SBNO1: variants seen among roughly 807,000 people sequenced by gnomAD.
SBNO1 encodes the protein protein strawberry notch homolog 1.
SBNO1 carries 23 observed loss-of-function variants against 173.6 expected under a neutral mutation model. That is an observed-to-expected ratio of 0.13 (90% CI 0.10 to 0.19). The LOEUF (loss-of-function observed/expected upper bound fraction) is 0.19. Ranked by LOEUF, SBNO1 falls within the 10% of genes least tolerant of loss-of-function variation. The probability of loss-of-function intolerance (pLI) is 1.00; values close to 1 mark genes in which losing one functional copy is unlikely to be tolerated. For missense variants in SBNO1, 1,238 were observed against 1,671.2 expected, an observed-to-expected ratio of 0.74 and a Z score of 4.52; for synonymous variants, 632 against 571.5, an observed-to-expected ratio of 1.11 and a Z score of -1.51.
chr12:123,352,569 G>A (rs1874002365), intron 1 of SBNO1, among the ~76,000 whole-genome samples: 1 of 152,196 alleles, frequency 6.6e-6, no homozygotes, highest in Non-Finnish European at 1.5e-5. Flanking sequence ...TGGGATTACA[G>A]GCCGTGAGCC....
At chr12:123,302,369 A>G (rs987469739) in intron 30 of SBNO1, among the ~76,000 whole-genome samples, 2 of 151,812 alleles carry the variant, frequency 1.3e-5, no homozygotes, top group African/African-American at 2.4e-5. Context: ...CAGCCTCCCA[A>G]GTAGCTGGGA....
intron 5 of SBNO1, among the ~76,000 whole-genome samples, chr12:123,340,581 CAAAAAAA>C (rs752794679): frequency 4.3e-5 from 2 of 46,818 alleles, no homozygotes; most frequent in South Asian, 9.8e-4. Flanking sequence ...GACTCTGTCT[CAAAAAAA>C]AAAAAAAAAA....
chr12:123,293,524 C>A lies in SBNO1; in HGVS notation c.*2384G>T, dbSNP rs1234909558. On this transcript the variant is annotated 3_prime_UTR_variant, in exon 32 of 32. Coordinates refer to ENST00000602398, the MANE Select transcript of SBNO1 (RefSeq NM_001167856.3). ...GGGTGCTGCACACACCATGACCAGC[C>A]TGGGCATGCAGCACCCCAGCTCCCA... 6.6e-6 allele frequency: 1 copy of A among 152,106 alleles called. No individual in the cohort carries two copies. Among genetic ancestry groups the A allele is most frequent in the African/African-American group, 2.4e-5 (1 of 41,414 alleles). The allele number at this position is 152,106 out of a possible 1,614,324, so 9.4% of individuals were successfully genotyped here. A position where few individuals can be genotyped will look rare whatever the true frequency, so the allele number is the denominator to read the frequency against.
chr12:123,303,268 G>A (rs904602049), intron 29 of SBNO1, among the ~76,000 whole-genome samples: 1 of 152,158 alleles, frequency 6.6e-6, no homozygotes, highest in Non-Finnish European at 1.5e-5. Flanking sequence ...ATAAAACTAA[G>A]AGGTAGTGAG....
chr12:123,355,594 A>G (rs964660590), intron 1 of SBNO1, among the ~76,000 whole-genome samples: 3 of 151,824 alleles, frequency 2.0e-5, no homozygotes, highest in East Asian at 2.0e-4. Context: ...ACAGACCGAG[A>G]CTCCATCTCC....
intron 1 of SBNO1, among the ~76,000 whole-genome samples, chr12:123,354,743 A>C (rs1874241012): frequency 6.6e-6 from 1 of 152,212 alleles, no homozygotes; most frequent in African/African-American, 2.4e-5. Context: ...AAATACTGTT[A>C]GGTACAAGAG....
intron 6 of SBNO1, among the ~76,000 whole-genome samples, chr12:123,334,434 T>C (rs887362059): frequency 1.3e-5 from 2 of 152,108 alleles, no homozygotes; most frequent in Non-Finnish European, 2.9e-5. Flanking sequence ...TTGGGCCAGG[T>C]GGGTGGCTCA....
At chr12:123,318,893 GAC>G (rs1869625077) in intron 20 of SBNO1, among the ~76,000 whole-genome samples, 1 of 150,724 alleles carries the variant, frequency 6.6e-6, no homozygotes, top group African/African-American at 2.4e-5. Context: ...TAGTAATATG[GAC>G]ACACATAAAT....
At position 123,338,638 on chromosome 12, in the gene SBNO1, C is replaced by T. The variant is rs1232184965; in HGVS notation, c.652-2147G>A. Among the ~76,000 whole-genome samples the T allele has an allele frequency of 2.6e-5, 4 of 151,980 alleles. No homozygotes were observed. The South Asian group carries it at 8.3e-4, about 32-fold the overall frequency. ...AAGGGGAGGTTGCAGTGAGCCAAGACTGCACCAATGCACTCCAGCCTGTGA... is the reference window on the plus strand; with the variant it reads ...AAGGGGAGGTTGCAGTGAGCCAAGATTGCACCAATGCACTCCAGCCTGTGA... On this transcript the variant is annotated intron_variant, in intron 5 of 31. Coordinates refer to ENST00000602398, the MANE Select transcript of SBNO1 (RefSeq NM_001167856.3).
At chr12:123,302,196 G>C (rs1440860837) in intron 30 of SBNO1, among the ~76,000 whole-genome samples, 2 of 148,798 alleles carry the variant, frequency 1.3e-5, no homozygotes, top group African/African-American at 4.9e-5. Context: ...GCCTCCCAAA[G>C]TGCTGGGATT....
chr12:123,320,680 G>C lies in SBNO1; in HGVS notation c.2491+19C>G. 11 of 1,594,496 alleles carry C rather than the reference G, an allele frequency of 6.9e-6. No homozygotes were observed. The highest frequency in any genetic ancestry group is 9.4e-6 in the Non-Finnish European group (11 of 1,172,502). On this transcript the variant is annotated intron_variant, in intron 18 of 31. Transcript: ENST00000602398. ...TTGTTTAAAACAGTATTTCAAAAAGGAAGTTTCTGTATGGATACCTGGTGT... is the reference window on the plus strand; with the variant it reads ...TTGTTTAAAACAGTATTTCAAAAAGCAAGTTTCTGTATGGATACCTGGTGT...
At chr12:123,342,773 C>G (rs1422211044) in intron 4 of SBNO1, among the ~76,000 whole-genome samples, 1 of 152,160 alleles carries the variant, frequency 6.6e-6, no homozygotes, top group Non-Finnish European at 1.5e-5. Context: ...CTTCAGCCTC[C>G]AAGAATCCCT....
At chr12:123,299,826 CCT>C (rs1168897666) in intron 30 of SBNO1, among the ~76,000 whole-genome samples, 2 of 152,042 alleles carry the variant, frequency 1.3e-5, no homozygotes, top group African/African-American at 4.8e-5. Flanking sequence ...GCACTCAAGC[CCT>C]CTGTTTAAAA....
chr12:123,356,490 C>T (rs1330356865), intron 1 of SBNO1, among the ~76,000 whole-genome samples: 3 of 152,208 alleles, frequency 2.0e-5, no homozygotes, highest in Non-Finnish European at 2.9e-5. Context: ...AGCTGGAGTG[C>T]AATGGCACGA....
intron 5 of SBNO1, among the ~76,000 whole-genome samples, chr12:123,339,374 A>T (rs11609197): frequency 6.6e-6 from 1 of 150,436 alleles, no homozygotes; most frequent in Non-Finnish European, 1.5e-5. Context: ...TCTTTTGCCT[A>T]CTCCTACTCA....
Position 123,334,077 on chromosome 12 carries a change from A to G in SBNO1, c.885T>C (p.Leu295=). 6.3e-7 allele frequency: 1 copy of G among 1,591,412 alleles called. No individual in the cohort carries two copies. The highest frequency in any genetic ancestry group is 8.5e-7 in the Non-Finnish European group (1 of 1,171,614). ...IDNGWLSALQ[L]EAITYAAQQH... ...CCTGGGCTGCATATGTAATTGCCTC[A>G]AGCTGCAATGCTGATAACCAGCCAT... The change falls in exon 7 of 32, where the codon CTT becomes CTC. Residue 295 remains leucine (L), a synonymous_variant. Transcript: ENST00000602398.
At chr12:123,316,235 TTTG>T (rs1323121899) in intron 21 of SBNO1, among the ~76,000 whole-genome samples, 1 of 152,178 alleles carries the variant, frequency 6.6e-6, no homozygotes, top group African/African-American at 2.4e-5. Context: ...ACAGGATTTT[TTTG>T]TTGTTGTTAG....
intron 30 of SBNO1, among the ~76,000 whole-genome samples, chr12:123,299,689 A>AAAAG (rs898264452): frequency 6.6e-6 from 1 of 150,646 alleles, no homozygotes; most frequent in South Asian, 2.1e-4. Context: ...TTCAAAAAAA[A>AAAAG]AAAAAAAAAA....
chr12:123,329,595 T>A (rs571917961), intron 9 of SBNO1, among the ~76,000 whole-genome samples: 23 of 150,506 alleles, frequency 1.5e-4, no homozygotes, highest in African/African-American at 2.9e-4. Context: ...CTCTGAAATT[T>A]AAAAAAAAAA....
Sources: gnomAD v4.1 joint callset for allele counts (sites outside exome capture counted in the v4.1 genomes callset) on GRCh38, gnomAD v4.1.1 for gene constraint, MANE v1.5 for transcripts, NCBI Gene and HGNC (gene_info 2026-07-23, HGNC 2026-07-21) for gene names.